The following CNTLN variants were observed in gnomAD, a reference collection of about 807,000 sequenced individuals.
The protein encoded by CNTLN is centlein, centrosomal protein.
CNTLN carries 212 observed loss-of-function variants against 180.0 expected under a neutral mutation model. That is an observed-to-expected ratio of 1.18 (90% CI 1.05 to 1.32). The LOEUF is 1.32. CNTLN is among the 40% of genes most tolerant of loss of function. CNTLN has a pLI of 0.00. For synonymous variants in CNTLN, 722 were observed against 563.1 expected (o/e 1.28, Z -3.99); for missense variants, 2,095 against 1,610.9 (o/e 1.30, Z -5.14).
chr9:17,144,191 T>G (rs976509794), intron 2 of CNTLN, among the ~76,000 whole-genome samples: 2 of 152,230 alleles, frequency 1.3e-5, no homozygotes, highest in African/African-American at 4.8e-5. Context: ...GAGATTTGAC[T>G]TGTTAAAAAT....
rs189873365 is a variant in CNTLN at position 17,265,997 on chromosome 9, A to G, written c.850-7736A>G. Among the ~76,000 whole-genome samples the G allele has an allele frequency of 1.4e-3, 220 of 152,050 alleles. 3 individuals carry two copies. The highest frequency in any genetic ancestry group is 5.0e-3 in the African/African-American group (206 of 41,476). On this transcript the variant is annotated intron_variant, in intron 5 of 25. Transcript: ENST00000380647. The stretch of plus-strand genomic sequence containing the variant: ...ATCTTTTCAAAAAACCAGCTCCTGG[A>G]TTCATTAATTTTTTGAAGGGCTTTT...
At chr9:17,193,783 C>T (rs1253089951) in intron 2 of CNTLN, among the ~76,000 whole-genome samples, 1 of 152,190 alleles carries the variant, frequency 6.6e-6, no homozygotes, top group Non-Finnish European at 1.5e-5. Flanking sequence ...ATGGGGGCTC[C>T]GATTCCACAT....
chr9:17,340,694 A>G (rs1821409120), intron 10 of CNTLN, 133 bp from the exon 11 acceptor site: 3 of 629,538 alleles, frequency 4.8e-6, no homozygotes, highest in South Asian at 3.8e-5. Context: ...GCTTAAATAC[A>G]TATTACAGAT....
chr9:17,404,630 T>C lies in CNTLN; in HGVS notation c.2616-4663T>C, dbSNP rs1046691595. 4.6e-5 allele frequency among the ~76,000 whole-genome samples: 7 copies of C among 151,844 alleles called. 1 individual carries two copies. The highest frequency in any genetic ancestry group is 1.7e-4 in the African/African-American group (7 of 41,144). On this transcript the variant is annotated intron_variant, in intron 15 of 25. Coordinates refer to ENST00000380647, the MANE Select transcript of CNTLN (RefSeq NM_017738.4). ...CATTATACACCTGTTAGTACTCCTT[T>C]ACCTAGTAGTCCTCTGTATTTGCTG...
intron 25 of CNTLN, among the ~76,000 whole-genome samples, chr9:17,496,977 T>G (rs2441990): frequency 0.96 from 145,431 of 152,180 alleles, 69,634 homozygotes; most frequent in Middle Eastern, 1. Context: ...ACTTCAAAAA[T>G]GTCTTGCAGG....
In CNTLN at chr9:17,457,695, C is replaced by G. The variant is rs764035707; in HGVS notation, c.3286C>G (p.Gln1096Glu). ...AAGGAGCATGGATTTGGAAATGAAG[C>G]AATTGCAGTATAAACTAAAGGTGAT... The part of the protein sequence containing the change: ...PSRSMDLEMK[Q>E]LQYKLKNATN... Residue 1096 changes from glutamine (Q) to glutamate (E), a missense_variant, in exon 19 of 26, where the codon CAA becomes GAA. Physicochemically the swap from Gln to Glu is conservative, Grantham distance 29. Transcript: ENST00000380647. 6.7e-7 allele frequency: 1 copy of G among 1,491,948 alleles called. No homozygotes were observed. Among genetic ancestry groups the G allele is most frequent in the Non-Finnish European group, 8.9e-7 (1 of 1,118,300 alleles). The allele number at this position is 1,491,948 out of a possible 1,614,324, so 92.4% of individuals were successfully genotyped here.
downstream of CNTLN, among the ~76,000 whole-genome samples, chr9:17,508,372 C>G (rs1222070959): frequency 6.6e-6 from 1 of 152,182 alleles, no homozygotes; most frequent in Non-Finnish European, 1.5e-5. Context: ...ACTGTCCAAA[C>G]CAGGAAGATG....
At chr9:17,266,117 T>G (rs1002477100) in intron 5 of CNTLN, among the ~76,000 whole-genome samples, 1 of 145,536 alleles carries the variant, frequency 6.9e-6, no homozygotes, top group African/African-American at 2.6e-5. Flanking sequence ...TCTAGTTCTT[T>G]TAATTGTGAA....
chr9:17,155,063 G>T (rs1045923187), intron 2 of CNTLN, among the ~76,000 whole-genome samples: 1 of 152,142 alleles, frequency 6.6e-6, no homozygotes, highest in Non-Finnish European at 1.5e-5. Context: ...TTTAAGAGCT[G>T]TAATACTCAC....
intron 2 of CNTLN, among the ~76,000 whole-genome samples, chr9:17,197,264 A>G (rs1822193790): frequency 2.6e-5 from 4 of 152,234 alleles, no homozygotes; most frequent in African/African-American, 2.4e-5. Flanking sequence ...ACAGTATACA[A>G]GAGTTCCCTT....
intron 6 of CNTLN, among the ~76,000 whole-genome samples, chr9:17,294,836 G>GGGCGA (rs1563967282): frequency 7.4e-5 from 2 of 26,900 alleles, no homozygotes; most frequent in Non-Finnish European, 1.3e-4. Flanking sequence ...GGGCGGGGAG[G>GGGCGA]AGGGGGGAGG....
chr9:17,266,992 A>G (rs1827511744), intron 5 of CNTLN, among the ~76,000 whole-genome samples: 1 of 152,232 alleles, frequency 6.6e-6, no homozygotes. Flanking sequence ...CTCTTTATCC[A>G]ATTTGCCAGT....
At chr9:17,209,758 A>G (rs185819927) in intron 2 of CNTLN, among the ~76,000 whole-genome samples, 43 of 152,348 alleles carry the variant, frequency 2.8e-4, no homozygotes, top group Admixed American at 2.8e-3. Flanking sequence ...CTTGAGCCAC[A>G]ACTATAATTC....
chr9:17,298,906 GCTAA>G (rs1818143706), intron 7 of CNTLN: 1 of 985,116 alleles, frequency 1.0e-6, no homozygotes, highest in Admixed American at 6.2e-5. Context: ...ATTTAGGTGT[GCTAA>G]CTGACTCAGC....
intron 18 of CNTLN, among the ~76,000 whole-genome samples, chr9:17,449,425 G>C (rs1370247871): frequency 1.3e-5 from 2 of 152,004 alleles, no homozygotes; most frequent in African/African-American, 4.8e-5. Flanking sequence ...CAGCGCACCA[G>C]CGTGGCACAT....
chr9:17,362,907 G>C (rs1264701903), intron 12 of CNTLN, among the ~76,000 whole-genome samples: 1 of 151,646 alleles, frequency 6.6e-6, no homozygotes, highest in Non-Finnish European at 1.5e-5. Context: ...TACCCCAACA[G>C]GCCCCAGTGT....
intron 5 of CNTLN, among the ~76,000 whole-genome samples, chr9:17,257,996 T>G (rs1313158535): frequency 6.6e-6 from 1 of 150,434 alleles, no homozygotes; most frequent in Non-Finnish European, 1.5e-5. Context: ...ATCCCATTTG[T>G]CAATTTTGTC....
intron 2 of CNTLN, among the ~76,000 whole-genome samples, chr9:17,170,637 G>T (rs531810248): frequency 2.0e-5 from 3 of 151,516 alleles, no homozygotes; most frequent in African/African-American, 7.3e-5. Context: ...CCTCAGCTTC[G>T]GAATTTGTTT....
chr9:17,299,559 A>C (rs1818203777), intron 7 of CNTLN: 1 of 985,204 alleles, frequency 1.0e-6, no homozygotes, highest in Non-Finnish European at 1.2e-6. Context: ...AGTGGTTTTC[A>C]GTGTGTGTTT....
Sources: allele counts gnomAD v4.1 joint callset (sites outside exome capture counted in the v4.1 genomes callset), GRCh38; gene constraint gnomAD v4.1.1; transcripts MANE v1.5; gene names NCBI Gene and HGNC (gene_info 2026-07-23, HGNC 2026-07-21).